Variants in ATF7IP observed in about 807,000 individuals in gnomAD.
ATF7IP encodes activating transcription factor 7-interacting protein 1.
ATF7IP carries 23 observed loss-of-function variants against 106.4 expected under a neutral mutation model. The ratio of observed to expected loss-of-function variants is 0.22; its 90% CI spans 0.16 to 0.31. ATF7IP has a LOEUF of 0.31. Ranked by LOEUF, ATF7IP falls within the 10% of genes least tolerant of loss-of-function variation. ATF7IP has a pLI of 1.00. For missense variants in ATF7IP, 1,334 were observed against 1,524.3 expected (o/e 0.88, Z 2.08); for synonymous variants, 542 against 539.0 (o/e 1.01, Z -0.08).
At chr12:14,388,498 C>T (rs1006779054) in intron 1 of ATF7IP, among the ~76,000 whole-genome samples, 7 of 152,098 alleles carry the variant, frequency 4.6e-5, no homozygotes, top group Non-Finnish European at 8.8e-5. Flanking sequence ...AGGCGCCCAT[C>T]ACCACGCCCG....
intron 9 of ATF7IP, among the ~76,000 whole-genome samples, chr12:14,464,858 A>G (rs1415764846): frequency 1.3e-5 from 2 of 152,248 alleles, no homozygotes; most frequent in Admixed American, 6.5e-5. Flanking sequence ...GTAACATTTT[A>G]TTAAGCAGTC....
At chr12:14,456,501 T>C (rs753452336) in intron 6 of ATF7IP, 60 bp from the exon 7 acceptor site, 102 of 1,228,298 alleles carry the variant, frequency 8.3e-5, no homozygotes, top group Non-Finnish European at 1.2e-4. Context: ...TCTAATTTTT[T>C]TTTAAAGATT....
In ATF7IP at chr12:14,481,329, GTAC is replaced by G. The variant is rs1944421421; in HGVS notation, c.3280+148_3280+150del. The stretch of plus-strand genomic sequence containing the variant: ...GTATTGTTATAAGTTCAAGAGATCT[GTAC>G]TACAACATAGAAACTATAGTATAGT... On this transcript the variant is annotated intron_variant, in intron 13 of 14. Transcript: ENST00000261168. 8 of 687,834 alleles carry G rather than the reference GTAC, an allele frequency of 1.2e-5. No individual in the cohort carries two copies. In the South Asian group the frequency reaches 1.5e-4, roughly 13 times the overall value. 42.6% of individuals were successfully genotyped at this position (687,834 alleles called of 1,614,324 possible).
rs1283004202 is a variant in ATF7IP at position 14,502,449 on chromosome 12, TTTTC to T, written c.*4380_*4383del. ...AATAATTTACCATGTTAAAATAAAC[TTTTC>T]TTTGTTTTTTATTTGTAGAGTCAGC... On this transcript the variant is annotated 3_prime_UTR_variant, in exon 15 of 15. Coordinates refer to ENST00000261168, the MANE Select transcript of ATF7IP (RefSeq NM_018179.5). 3.3e-5 allele frequency: 5 copies of T among 152,102 alleles called. No individual in the cohort carries two copies. The highest frequency in any genetic ancestry group is 1.9e-4 in the East Asian group (1 of 5,196). 9.4% of individuals were successfully genotyped at this position (152,102 alleles called of 1,614,324 possible).
At position 14,434,695 on chromosome 12, in the gene ATF7IP, T is replaced by C. The variant is rs1285117930; in HGVS notation, c.1645+272T>C. 2.6e-5 allele frequency among the ~76,000 whole-genome samples: 4 copies of C among 152,234 alleles called. No homozygotes were observed. The East Asian group carries it at 7.7e-4, about 29-fold the overall frequency. ...AAGTTACTGAGTGTTTTGAGATAAA[T>C]TGTTTTAGATTTATGTTTAGAGAAT... On this transcript the variant is annotated intron_variant, in intron 3 of 14. Coordinates refer to ENST00000261168, the MANE Select transcript of ATF7IP (RefSeq NM_018179.5).
In ATF7IP at chr12:14,459,920, A is replaced by C. The variant is rs558714687; in HGVS notation, c.2159-575A>C. Among the ~76,000 whole-genome samples, 284 of 152,270 alleles carry C rather than the reference A, an allele frequency of 1.9e-3. 2 individuals are homozygous for C. Among genetic ancestry groups the C allele is most frequent in the South Asian group, 3.3e-3 (16 of 4,824 alleles). The stretch of plus-strand genomic sequence containing the variant: ...CTCAGTGCTGTTTTCCATATCATAC[A>C]ATGTCAGTAGGGTGTCAGTAGAGGG... On this transcript the variant is annotated intron_variant, in intron 8 of 14. Coordinates refer to ENST00000261168, the MANE Select transcript of ATF7IP (RefSeq NM_018179.5).
At chr12:14,417,334 C>G (rs1263443140) in intron 1 of ATF7IP, among the ~76,000 whole-genome samples, 1 of 152,124 alleles carries the variant, frequency 6.6e-6, no homozygotes, top group Non-Finnish European at 1.5e-5. Context: ...ATGAATTAAA[C>G]TAAGTCAGTT....
intron 13 of ATF7IP, chr12:14,481,604 T>C: frequency 2.3e-6 from 1 of 443,214 alleles, no homozygotes; most frequent in Non-Finnish European, 4.5e-6. Flanking sequence ...TTTTCTTCCC[T>C]TAGGAGAGTT....
At chr12:14,447,281 C>CT (rs58719124) in intron 6 of ATF7IP, among the ~76,000 whole-genome samples, 16 of 87,842 alleles carry the variant, frequency 1.8e-4, no homozygotes, top group African/African-American at 4.3e-4. Flanking sequence ...TTATGCAATT[C>CT]TTTTTTTTTT....
intron 1 of ATF7IP, among the ~76,000 whole-genome samples, chr12:14,402,285 A>G (rs1243239725): frequency 2.0e-5 from 3 of 150,932 alleles, no homozygotes; most frequent in Admixed American, 6.6e-5. Context: ...ATGTCACTAT[A>G]CCTGGCTAAT....
chr12:14,421,409 G>A (rs1430122542), intron 1 of ATF7IP, among the ~76,000 whole-genome samples: 2 of 152,126 alleles, frequency 1.3e-5, no homozygotes, highest in East Asian at 3.9e-4. Flanking sequence ...TGAAATCACG[G>A]TGTTGTCATT....
intron 1 of ATF7IP, among the ~76,000 whole-genome samples, chr12:14,423,156 T>C (rs1941624830): frequency 6.6e-6 from 1 of 152,228 alleles, no homozygotes; most frequent in South Asian, 2.1e-4. Context: ...TTATTGCTTA[T>C]GGACTTTTGG....
At chr12:14,463,286 C>T (rs139031460) in intron 9 of ATF7IP, among the ~76,000 whole-genome samples, 1 of 152,094 alleles carries the variant, frequency 6.6e-6, no homozygotes, top group Admixed American at 6.5e-5. Context: ...TTTATTGTAG[C>T]TAAGTATATC....
chr12:14,491,437 T>A (rs1340675851), intron 13 of ATF7IP, among the ~76,000 whole-genome samples: 1 of 152,148 alleles, frequency 6.6e-6, no homozygotes, highest in Non-Finnish European at 1.5e-5. Flanking sequence ...ATCCCTGAAT[T>A]TGGTCAGATT....
chr12:14,436,858 T>A (rs1170449906), intron 4 of ATF7IP, among the ~76,000 whole-genome samples: 2 of 152,106 alleles, frequency 1.3e-5, no homozygotes, highest in African/African-American at 4.8e-5. Flanking sequence ...TTTGCTTTGG[T>A]AACAAAACTG....
chr12:14,395,375 C>T (rs1357431860), intron 1 of ATF7IP: 2 of 151,928 alleles, frequency 1.3e-5, no homozygotes, highest in East Asian at 3.9e-4. Flanking sequence ...ATTGGTAGAT[C>T]GTTTAATGTT....
At chr12:14,365,878 T>C (rs1368033321) in intron 1 of ATF7IP, 51 bp downstream of exon 1, 1 of 152,554 alleles carries the variant, frequency 6.6e-6, no homozygotes, top group Non-Finnish European at 1.5e-5. Context: ...TAAATTACTA[T>C]TGTATTTCTG....
rs1591989577 is a variant in ATF7IP at position 14,501,948 on chromosome 12, C to T, written c.*3875C>T. On this transcript the variant is annotated 3_prime_UTR_variant, in exon 15 of 15. Coordinates refer to ENST00000261168, the MANE Select transcript of ATF7IP (RefSeq NM_018179.5). ...ATCTTGTTTCATGAACTTTCCAGTA[C>T]TGTACAAGGTCAACAAAGTAATGCC... The T allele has an allele frequency of 6.6e-6, 1 of 152,192 alleles. No homozygotes were observed. The highest frequency in any genetic ancestry group is 1.9e-4 in the East Asian group (1 of 5,208). 9.4% of individuals were successfully genotyped at this position (152,192 alleles called of 1,614,324 possible). A position where few individuals can be genotyped will look rare whatever the true frequency, so the allele number is the denominator to read the frequency against.
At chr12:14,495,661 A>G (rs1292209014) in intron 13 of ATF7IP, among the ~76,000 whole-genome samples, 1 of 152,158 alleles carries the variant, frequency 6.6e-6, no homozygotes, top group Admixed American at 6.5e-5. Context: ...AGTATCCTCA[A>G]CCAAGGAGCT....
Sources: allele counts gnomAD v4.1 joint callset (sites outside exome capture counted in the v4.1 genomes callset), GRCh38; gene constraint gnomAD v4.1.1; transcripts MANE v1.5; gene names NCBI Gene and HGNC (gene_info 2026-07-23, HGNC 2026-07-21).